TGFBR2: variants seen among roughly 807,000 people sequenced by gnomAD.
The protein encoded by TGFBR2 is TGF-beta receptor type-2.
In TGFBR2, 18 loss-of-function variants were observed where a neutral mutation model predicts 49.0. The observed-to-expected ratio is 0.37, with a 90% CI of 0.25 to 0.54. TGFBR2 has a LOEUF of 0.54. Ranked by LOEUF, TGFBR2 falls within the 20% of genes least tolerant of loss-of-function variation. TGFBR2 has a pLI of 0.85. For synonymous variants in TGFBR2, 282 were observed against 275.9 expected (o/e 1.02, Z -0.22); for missense variants, 525 against 722.6 (o/e 0.73, Z 3.13).
chr3:30,644,322 C>G (rs1323679337), intron 1 of TGFBR2, among the ~76,000 whole-genome samples: 1 of 152,106 alleles, frequency 6.6e-6, no homozygotes, highest in Non-Finnish European at 1.5e-5. Flanking sequence ...TCTGTGCTGC[C>G]CTCTATTTTG....
At chr3:30,612,470 A>C (rs543244148) in intron 1 of TGFBR2, among the ~76,000 whole-genome samples, 1 of 152,178 alleles carries the variant, frequency 6.6e-6, no homozygotes, top group Admixed American at 6.5e-5. Flanking sequence ...ATCTAATGTC[A>C]TCAGTTCAGT....
chr3:30,680,481 G>A (rs1344219543), intron 5 of TGFBR2, among the ~76,000 whole-genome samples: 1 of 151,302 alleles, frequency 6.6e-6, no homozygotes, highest in Non-Finnish European at 1.5e-5. Flanking sequence ...GGATACAGCA[G>A]TTTAAAAAGC....
chr3:30,612,372 G>A (rs1034771497), intron 1 of TGFBR2, among the ~76,000 whole-genome samples: 16 of 152,098 alleles, frequency 1.1e-4, no homozygotes, highest in African/African-American at 3.6e-4. Context: ...AGGTTCTTTC[G>A]TGTGGTCTCT....
chr3:30,670,204 A>C (rs1699314638), intron 3 of TGFBR2, among the ~76,000 whole-genome samples: 1 of 152,068 alleles, frequency 6.6e-6, no homozygotes, highest in Non-Finnish European at 1.5e-5. Flanking sequence ...GACTTTTCCC[A>C]TTCTTCAGAG....
chr3:30,632,935 G>A (rs1463247914), intron 1 of TGFBR2, among the ~76,000 whole-genome samples: 3 of 152,172 alleles, frequency 2.0e-5, no homozygotes, highest in Non-Finnish European at 4.4e-5. Flanking sequence ...CCTAAAATAA[G>A]TGAAGTAATT....
At chr3:30,610,466 A>G (rs182824609) in intron 1 of TGFBR2, among the ~76,000 whole-genome samples, 1 of 152,172 alleles carries the variant, frequency 6.6e-6, no homozygotes, top group Non-Finnish European at 1.5e-5. Flanking sequence ...GGCAGCCTTT[A>G]ATTGCATTCT....
chr3:30,677,470 TTATC>T (rs1699461563), intron 5 of TGFBR2, among the ~76,000 whole-genome samples: 1 of 152,212 alleles, frequency 6.6e-6, no homozygotes, highest in African/African-American at 2.4e-5. Flanking sequence ...CCAAGGTTAT[TTATC>T]CATCCTCACG....
At position 30,609,246 on chromosome 3, in the gene TGFBR2, A is replaced by G. The variant is rs1450902189; in HGVS notation, c.94+2269A>G. ...AGTTGGCCAATGGTTGAAGACAGAT[A>G]TATTGAAGACGAGAAACCTAATTCT... On this transcript the variant is annotated intron_variant, in intron 1 of 6. Coordinates refer to ENST00000295754, the MANE Select transcript of TGFBR2 (RefSeq NM_003242.6). Among the ~76,000 whole-genome samples the G allele has an allele frequency of 2.6e-5, 4 of 152,344 alleles. No individual in the cohort carries two copies. The East Asian group carries it at 5.8e-4, about 22-fold the overall frequency.
At chr3:30,670,853 G>A (rs1699324166) in intron 3 of TGFBR2, among the ~76,000 whole-genome samples, 2 of 152,184 alleles carry the variant, frequency 1.3e-5, no homozygotes, top group South Asian at 4.1e-4. Context: ...ACTACAATTC[G>A]TATGCACACT....
intron 5 of TGFBR2, among the ~76,000 whole-genome samples, chr3:30,683,587 G>A (rs987301234): frequency 1.3e-5 from 2 of 152,226 alleles, no homozygotes; most frequent in African/African-American, 4.8e-5. Context: ...GTGGTTAGGA[G>A]TTGGGGAGAG....
chr3:30,615,560 C>T (rs1166509691), intron 1 of TGFBR2, among the ~76,000 whole-genome samples: 1 of 152,100 alleles, frequency 6.6e-6, no homozygotes, highest in East Asian at 1.9e-4. Context: ...TTTTTCTATT[C>T]TCTCAATAGA....
chr3:30,661,682 G>T (rs555414834), intron 3 of TGFBR2: 34 of 446,208 alleles, frequency 7.6e-5, no homozygotes, highest in South Asian at 5.6e-4. Flanking sequence ...CTGGCTGAAA[G>T]AATCAAAACA....
intron 5 of TGFBR2, among the ~76,000 whole-genome samples, chr3:30,674,586 T>C (rs1164186827): frequency 3.9e-5 from 6 of 152,230 alleles, no homozygotes; most frequent in Admixed American, 3.9e-4. Flanking sequence ...GTGGGTAATA[T>C]TCAGATAAGC....
At chr3:30,683,636 T>C (rs981241874) in intron 5 of TGFBR2, among the ~76,000 whole-genome samples, 4 of 152,244 alleles carry the variant, frequency 2.6e-5, no homozygotes, top group African/African-American at 9.6e-5. Context: ...AGTCATTTCA[T>C]AGTTTTAATC....
rs1383813475 is a variant in TGFBR2 at position 30,693,408 on chromosome 3, ATGC to A, written c.*1813_*1815del. The A allele has an allele frequency of 4.3e-6, 1 of 233,586 alleles. No individual in the cohort carries two copies. Among genetic ancestry groups the A allele is most frequent in the Non-Finnish European group, 8.5e-6 (1 of 117,978 alleles). 14.5% of individuals were successfully genotyped at this position (233,586 alleles called of 1,614,324 possible). ...CTTGTTAATCAACAAAGAAGTGTTAATGCTGCAAGTAATCTCTTTTTTAAAACT... is the reference window on the plus strand; with the variant it reads ...CTTGTTAATCAACAAAGAAGTGTTAATGCAAGTAATCTCTTTTTTAAAACT... On this transcript the variant is annotated 3_prime_UTR_variant, in exon 7 of 7. Transcript: ENST00000295754.
chr3:30,611,452 A>T (rs941267384), intron 1 of TGFBR2, among the ~76,000 whole-genome samples: 14 of 152,216 alleles, frequency 9.2e-5, no homozygotes, highest in African/African-American at 2.7e-4. Flanking sequence ...GACAAACATG[A>T]TGGAAAGCTG....
At chr3:30,619,355 A>C (rs779607908) in intron 1 of TGFBR2, among the ~76,000 whole-genome samples, 4 of 152,128 alleles carry the variant, frequency 2.6e-5, no homozygotes, top group Non-Finnish European at 5.9e-5. Context: ...CCTCAGTTAA[A>C]TCTCCCCCCA....
intron 5 of TGFBR2, among the ~76,000 whole-genome samples, chr3:30,683,251 C>A (rs915358072): frequency 6.6e-6 from 1 of 152,164 alleles, no homozygotes; most frequent in South Asian, 2.1e-4. Flanking sequence ...GCATTTAGGG[C>A]AATGTTGCTC....
intron 5 of TGFBR2, among the ~76,000 whole-genome samples, chr3:30,679,511 G>C (rs942620971): frequency 6.6e-6 from 1 of 152,224 alleles, no homozygotes; most frequent in African/African-American, 2.4e-5. Context: ...GGCCTCGGGA[G>C]ATGTGTTGCA....
Sources: allele counts gnomAD v4.1 joint callset (sites outside exome capture counted in the v4.1 genomes callset), GRCh38; gene constraint gnomAD v4.1.1; transcripts MANE v1.5; gene names NCBI Gene and HGNC (gene_info 2026-07-23, HGNC 2026-07-21).